The following CSMD1 variants were observed in gnomAD, a reference collection of about 807,000 sequenced individuals.
CSMD1 encodes CUB and sushi domain-containing protein 1.
In CSMD1, 213 loss-of-function variants were observed where a neutral mutation model predicts 417.5. The observed-to-expected ratio is 0.51, with a 90% confidence interval of 0.46 to 0.57. CSMD1 has a LOEUF of 0.57. Ranked by LOEUF, CSMD1 falls within the 20% of genes least tolerant of loss-of-function variation. The pLI, the probability that CSMD1 is intolerant of heterozygous loss-of-function variation, is 0.00. For synonymous variants in CSMD1, 2,862 were observed against 1,736.8 expected, an observed-to-expected ratio of 1.65 and a Z score of -16.11; for missense variants, 6,923 against 4,529.7, an observed-to-expected ratio of 1.53 and a Z score of -15.17.
chr8:3,855,624 C>T (rs1306592605), intron 5 of CSMD1, among the ~76,000 whole-genome samples: 1 of 152,112 alleles, frequency 6.6e-6, no homozygotes, highest in African/African-American at 2.4e-5. Flanking sequence ...ATTCCTATGA[C>T]AGTTTACTGC....
intron 6 of CSMD1, among the ~76,000 whole-genome samples, chr8:3,737,546 C>T (rs1210101677): frequency 6.6e-6 from 1 of 152,184 alleles, no homozygotes; most frequent in African/African-American, 2.4e-5. Flanking sequence ...TTTTACCAAT[C>T]TCCTTGCACA....
Position 4,459,714 on chromosome 8 carries a change from A to T in CSMD1, c.303-39649T>A, listed in dbSNP as rs566414814. On this transcript the variant is annotated intron_variant, in intron 2 of 69. Transcript: ENST00000635120. ...ATATGGAGCCCAGAGCAAGTTCAGA[A>T]ATAATGAAGCAATCAGGTGGAAATT... is the stretch of plus-strand genomic sequence containing the variant. 7.9e-5 allele frequency among the ~76,000 whole-genome samples: 12 copies of T among 152,342 alleles called. 2 individuals are homozygous for T. The South Asian group carries it at 1.2e-3, about 16-fold the overall frequency.
At chr8:3,515,381 C>G in intron 10 of CSMD1, 1 of 152,172 alleles carries the variant, frequency 6.6e-6, no homozygotes, top group South Asian at 2.1e-4. Context: ...AAAACTAAGG[C>G]TCTTTATGAT....
At chr8:4,422,681 C>T (rs754127927) in intron 2 of CSMD1, among the ~76,000 whole-genome samples, 3 of 151,948 alleles carry the variant, frequency 2.0e-5, no homozygotes, top group Non-Finnish European at 4.4e-5. Context: ...TTTGTTATGG[C>T]AGCCTAAAGA....
chr8:3,592,954 G>A (rs934996044), intron 8 of CSMD1, among the ~76,000 whole-genome samples: 1 of 152,212 alleles, frequency 6.6e-6, no homozygotes. Context: ...CAGCAAAGGT[G>A]GTGGCCTGGC....
intron 1 of CSMD1, among the ~76,000 whole-genome samples, chr8:4,642,225 C>T (rs544759346): frequency 1.3e-5 from 2 of 152,302 alleles, no homozygotes; most frequent in South Asian, 4.1e-4. Flanking sequence ...TACAGCAGTG[C>T]CCCTCTTGGA....
chr8:3,206,156 C>T (rs1797241011), intron 30 of CSMD1, among the ~76,000 whole-genome samples: 1 of 148,802 alleles, frequency 6.7e-6, no homozygotes. Flanking sequence ...CCTATGAGTT[C>T]AATTTAAAAC....
At chr8:3,901,403 C>G (rs1807742165) in intron 5 of CSMD1, among the ~76,000 whole-genome samples, 1 of 152,178 alleles carries the variant, frequency 6.6e-6, no homozygotes. Context: ...AAACCTTCAT[C>G]TTCCCTGAAA....
At chr8:3,913,854 T>C (rs1356110486) in intron 5 of CSMD1, among the ~76,000 whole-genome samples, 1 of 151,842 alleles carries the variant, frequency 6.6e-6, no homozygotes, top group African/African-American at 2.4e-5. Flanking sequence ...TTGACTTTCC[T>C]GTGTGTGTAT....
At chr8:4,110,715 T>A (rs112985781) in intron 3 of CSMD1, among the ~76,000 whole-genome samples, 2 of 152,080 alleles carry the variant, frequency 1.3e-5, no homozygotes, top group African/African-American at 2.4e-5. Flanking sequence ...GGGTTTTTTT[T>A]CCCCTTTCTC....
intron 25 of CSMD1, among the ~76,000 whole-genome samples, chr8:3,299,572 G>GAAAAT (rs397778547): frequency 6.6e-6 from 1 of 151,600 alleles, no homozygotes; most frequent in Non-Finnish European, 1.5e-5. Flanking sequence ...GCAGATAAAA[G>GAAAAT]CACGCCACCA....
At chr8:4,615,913 T>A (rs1031165796) in intron 2 of CSMD1, among the ~76,000 whole-genome samples, 3 of 152,212 alleles carry the variant, frequency 2.0e-5, no homozygotes, top group African/African-American at 7.2e-5. Context: ...AACTATTTGT[T>A]TGTACAGTGC....
intron 7 of CSMD1, among the ~76,000 whole-genome samples, chr8:3,618,056 C>T (rs1187920852): frequency 1.3e-5 from 2 of 152,190 alleles, no homozygotes; most frequent in South Asian, 4.1e-4. Context: ...GGTGGGAGTG[C>T]AGTGGCACAA....
intron 2 of CSMD1, among the ~76,000 whole-genome samples, chr8:4,607,338 C>T (rs902047322): frequency 3.3e-5 from 5 of 151,776 alleles, no homozygotes; most frequent in South Asian, 4.2e-4. Context: ...TTAGGGAGTG[C>T]GGGGGACGGG....
At chr8:3,813,990 G>T (rs1801231144) in intron 5 of CSMD1, among the ~76,000 whole-genome samples, 1 of 152,162 alleles carries the variant, frequency 6.6e-6, no homozygotes, top group African/African-American at 2.4e-5. Flanking sequence ...CTAAGTAAAA[G>T]GAGAACCGTT....
At chr8:4,449,227 T>G (rs559483489) in intron 2 of CSMD1, among the ~76,000 whole-genome samples, 5 of 152,358 alleles carry the variant, frequency 3.3e-5, no homozygotes, top group African/African-American at 1.2e-4. Flanking sequence ...TCAGAATAAT[T>G]ACACTGTCTA....
At chr8:4,124,826 C>A (rs1208270905) in intron 3 of CSMD1, among the ~76,000 whole-genome samples, 1 of 152,018 alleles carries the variant, frequency 6.6e-6, no homozygotes, top group African/African-American at 2.4e-5. Flanking sequence ...CAATCAGGCC[C>A]ACCAACCCAC....
intron 2 of CSMD1, among the ~76,000 whole-genome samples, chr8:4,462,077 G>C (rs766935605): frequency 3.2e-4 from 49 of 151,592 alleles, no homozygotes; most frequent in Middle Eastern, 3.6e-3. Flanking sequence ...GTCTCACTGT[G>C]TTGCACAGGC....
At chr8:3,145,096 T>A (rs1818765610) in intron 40 of CSMD1, among the ~76,000 whole-genome samples, 1 of 152,176 alleles carries the variant, frequency 6.6e-6, no homozygotes, top group African/African-American at 2.4e-5. Context: ...CACGTGTGTT[T>A]GTGTGACTGC....
Sources: allele counts gnomAD v4.1 joint callset (sites outside exome capture counted in the v4.1 genomes callset), GRCh38; gene constraint gnomAD v4.1.1; transcripts MANE v1.5; gene names NCBI Gene and HGNC (gene_info 2026-07-23, HGNC 2026-07-21).